GPATCH8: variants seen among roughly 807,000 people sequenced by gnomAD.
GPATCH8 encodes the protein G-patch domain containing 8, also known as G patch domain-containing protein 8.
A neutral mutation model predicts 118.3 loss-of-function variants in GPATCH8; 18 were observed. The observed-to-expected ratio is 0.15, with a 90% CI of 0.11 to 0.23. GPATCH8 has a LOEUF of 0.23. Among genes scored for constraint, GPATCH8 ranks in the 10% least tolerant of loss-of-function variants. The pLI, the probability that GPATCH8 is intolerant of heterozygous loss-of-function variation, is 1.00. For missense variants in GPATCH8, 1,631 were observed against 1,873.8 expected (o/e 0.87, Z 2.39); for synonymous variants, 659 against 684.7 (o/e 0.96, Z 0.59).
At chr17:44,456,229 G>T (rs1598542043) in intron 3 of GPATCH8, among the ~76,000 whole-genome samples, 1 of 152,226 alleles carries the variant, frequency 6.6e-6, no homozygotes, top group South Asian at 2.1e-4. Context: ...CGATTCTCTC[G>T]CCTCAGCCTC....
chr17:44,475,642 C>A (rs1335559685), intron 1 of GPATCH8, among the ~76,000 whole-genome samples: 1 of 151,670 alleles, frequency 6.6e-6, no homozygotes, highest in African/African-American at 2.4e-5. Context: ...TGCAGTGAGC[C>A]GAGATCGCAC....
intron 6 of GPATCH8, among the ~76,000 whole-genome samples, chr17:44,411,920 G>C (rs142400272): frequency 1.3e-5 from 2 of 152,196 alleles, no homozygotes; most frequent in African/African-American, 2.4e-5. Context: ...CAGCAAGACT[G>C]TGTCTATAAA....
intron 7 of GPATCH8, among the ~76,000 whole-genome samples, chr17:44,402,048 G>A (rs1195925152): frequency 1.3e-5 from 2 of 149,926 alleles, no homozygotes; most frequent in Admixed American, 1.3e-4. Context: ...CAGGCCGGGC[G>A]CAGTGGCTCA....
Position 44,398,047 on chromosome 17 carries a change from G to T in GPATCH8, c.4030C>A (p.Pro1344Thr), listed in dbSNP as rs1431246793. ...QLLAKQVKAF[P>T]ASAALAPATP... ...GCTGGGGCCAGGGCAGCTGAGGCTG[G>T]AAAGGCCTTTACTTGCTTGGCCAGA... Residue 1344 changes from proline (P) to threonine (T), a missense_variant, in exon 8 of 8, where the codon CCA (proline) becomes ACA (threonine). Coordinates refer to ENST00000591680, the MANE Select transcript of GPATCH8 (RefSeq NM_001002909.4). 6.2e-7 allele frequency: 1 copy of T among 1,613,962 alleles called. No individual in the cohort carries two copies. The highest frequency in any genetic ancestry group is 8.5e-7 in the Non-Finnish European group (1 of 1,179,862).
chr17:44,436,029 CAAAAAAAAAAAA>C (rs1157048818), intron 4 of GPATCH8, among the ~76,000 whole-genome samples: 3 of 41,828 alleles, frequency 7.2e-5, no homozygotes, highest in African/African-American at 1.8e-4. Context: ...AACTCCATCT[CAAAAAAAAAAAA>C]AAAAAAAAAA....
intron 3 of GPATCH8, among the ~76,000 whole-genome samples, chr17:44,460,352 ACT>A (rs2051497566): frequency 6.6e-6 from 1 of 152,190 alleles, no homozygotes; most frequent in Admixed American, 6.5e-5. Context: ...ATATATAATA[ACT>A]TTTTTAAAAT....
chr17:44,398,569 C>T lies in GPATCH8; in HGVS notation c.3508G>A (p.Glu1170Lys). The change falls in exon 8 of 8, where the codon GAA (glutamate) becomes AAA (lysine). Residue 1170 changes from glutamate to lysine, a missense_variant. By Grantham distance (56) the Glu-to-Lys change is moderately conservative (BLOSUM62 1). Coordinates refer to ENST00000591680, the MANE Select transcript of GPATCH8 (RefSeq NM_001002909.4). ...KCEESGLERG[E>K]EQEQSETEEG... ...TCTGTCTCTGACTGTTCTTGCTCTT[C>T]CCCCCTTTCCAAGCCAGACTCTTCA... The T allele has an allele frequency of 4.5e-6, 7 of 1,568,468 alleles. No individual in the cohort carries two copies. Among genetic ancestry groups the T allele is most frequent in the Non-Finnish European group, 6.0e-6 (7 of 1,161,958 alleles).
At chr17:44,435,548 G>A (rs1007104448) in intron 4 of GPATCH8, among the ~76,000 whole-genome samples, 1 of 149,000 alleles carries the variant, frequency 6.7e-6, no homozygotes, top group Admixed American at 6.7e-5. Flanking sequence ...TGAGTAGCTG[G>A]GATTACAGGT....
rs576849762 is a variant in GPATCH8, at chr17:44,421,017, A to AT, written c.492+3331dup. 2.9e-3 allele frequency among the ~76,000 whole-genome samples: 438 copies of AT among 151,822 alleles called. 1 individual carries two copies. The highest frequency in any genetic ancestry group is 5.5e-3 in the Non-Finnish European group (371 of 67,918). ...CTAGCCAGGCCACCACGCCTGGCTA[A>AT]TTTTTTTTATTTTTAGTAGAGACGG... On this transcript the variant is annotated intron_variant, in intron 6 of 7. Coordinates refer to ENST00000591680, the MANE Select transcript of GPATCH8 (RefSeq NM_001002909.4).
rs1305912251 is a variant in GPATCH8, at chr17:44,396,264, T to C, written c.*1304A>G. 1 of 454,512 alleles carries C rather than the reference T, an allele frequency of 2.2e-6. No individual in the cohort carries two copies. The highest frequency in any genetic ancestry group is 4.4e-6 in the Non-Finnish European group (1 of 226,792). 28.2% of individuals were successfully genotyped at this position (454,512 alleles called of 1,614,324 possible). On this transcript the variant is annotated 3_prime_UTR_variant, in exon 8 of 8. Coordinates refer to ENST00000591680, the MANE Select transcript of GPATCH8 (RefSeq NM_001002909.4). ...CCAGACAATCACCAAATCTCACTGC[T>C]TCCAGACAATAAAGCTGTTGAATCC...
At position 44,398,851 on chromosome 17, in the gene GPATCH8, A is replaced by C. The variant is rs1216174601; in HGVS notation, c.3226T>G (p.Ser1076Ala). Residue 1076 changes from serine to alanine, a missense_variant, in exon 8 of 8, where the codon TCA becomes GCA. Ser to Ala is a moderately conservative substitution (Grantham distance 99, BLOSUM62 1). Coordinates refer to ENST00000591680, the MANE Select transcript of GPATCH8 (RefSeq NM_001002909.4). ...QNSNIGTGRG[S>A]EGDCSPEDKN... ...TCTTCAGGACTGCAGTCACCTTCTG[A>C]CCCTCTTCCTGTGCCAATGTTGCTG... is the stretch of plus-strand genomic sequence containing the variant. 6.2e-7 allele frequency: 1 copy of C among 1,613,628 alleles called. No homozygotes were observed. Among genetic ancestry groups the C allele is most frequent in the South Asian group, 1.1e-5 (1 of 91,066 alleles).
intron 3 of GPATCH8, among the ~76,000 whole-genome samples, chr17:44,445,113 C>G (rs2050830371): frequency 6.6e-6 from 1 of 152,068 alleles, no homozygotes; most frequent in Non-Finnish European, 1.5e-5. Context: ...CATTACTGGT[C>G]ATTAGAGCCT....
intron 3 of GPATCH8, chr17:44,445,761 C>T (rs1321002260): frequency 2.0e-5 from 3 of 152,182 alleles, no homozygotes; most frequent in Admixed American, 6.6e-5. Context: ...CCACCTCATA[C>T]TCCCAAAGTG....
Position 44,398,464 on chromosome 17 carries a change from G to A in GPATCH8, c.3613C>T (p.Pro1205Ser). 1 of 1,611,400 alleles carries A rather than the reference G, an allele frequency of 6.2e-7. No individual in the cohort carries two copies. The highest frequency in any genetic ancestry group is 8.5e-7 in the Non-Finnish European group (1 of 1,178,502). Residue 1205 changes from proline to serine, a missense_variant, in exon 8 of 8, where the codon CCA (proline) becomes TCA (serine). Around this residue, in one of 8 missense-constraint regions of GPATCH8, gnomAD observed 922 missense variants for 879.7 expected, o/e 1.05. Transcript: ENST00000591680. ...CCAGACTTTGACTCTTCTGGGGGTG[G>A]GTCTAATAAGGGGCCAGTTGTTTCC... ...SEETTGPLLD[P>S]PPEESKSGEA...
chr17:44,400,133 C>T lies in GPATCH8; in HGVS notation c.1944G>A (p.Gly648=). ...ACSGLNKQEP[G]GSHGSETEDT... ...CTTCTGTCTCAGACCCATGGCTACCCCCAGGCTCCTGCTTGTTCAGGCCGC... is the reference window on the plus strand; with the variant it reads ...CTTCTGTCTCAGACCCATGGCTACCTCCAGGCTCCTGCTTGTTCAGGCCGC... The change falls in exon 8 of 8, where the codon GGG becomes GGA. Residue 648 remains glycine (G), a synonymous_variant. Transcript: ENST00000591680. 6.2e-7 allele frequency: 1 copy of T among 1,613,984 alleles called. No homozygotes were observed. Among genetic ancestry groups the T allele is most frequent in the Non-Finnish European group, 8.5e-7 (1 of 1,180,026 alleles).
chr17:44,398,624 G>A lies in GPATCH8; in HGVS notation c.3453C>T (p.Leu1151=), dbSNP rs867517428. Residue 1151 remains leucine (L), a synonymous_variant, in exon 8 of 8, where the codon CTC becomes CTT. Transcript: ENST00000591680. ...TCTTATTGGGCTTTCGGGTAGCTGG[G>A]AGCTTCCCTATCAGTGGAAGGACAG... The part of the protein sequence containing the change: ...NKPVLPLIGK[L]PATRKPNKKC... 6.5e-7 allele frequency: 1 copy of A among 1,545,260 alleles called. No homozygotes were observed. Among genetic ancestry groups the A allele is most frequent in the Non-Finnish European group, 8.7e-7 (1 of 1,148,954 alleles).
At chr17:44,446,827 C>G (rs1392902047) in intron 3 of GPATCH8, among the ~76,000 whole-genome samples, 1 of 150,984 alleles carries the variant, frequency 6.6e-6, no homozygotes, top group Non-Finnish European at 1.5e-5. Flanking sequence ...TGCAACTCCT[C>G]CATTTCATCT....
Position 44,397,832 on chromosome 17 carries a change from G to A in GPATCH8, c.4245C>T (p.Pro1415=), listed in dbSNP as rs1356322486. 2.5e-6 allele frequency: 4 copies of A among 1,594,162 alleles called. No individual in the cohort carries two copies. The highest frequency in any genetic ancestry group is 3.4e-6 in the Non-Finnish European group (4 of 1,166,918). Reference sequence around the variant, plus strand: ...AGTGAGTGAGGTGGGACAAAGAAATGGGGGTCAGATGGGGCTGGGGAATAT... The same window carrying A: ...AGTGAGTGAGGTGGGACAAAGAAATAGGGGTCAGATGGGGCTGGGGAATAT... ...VHHIPQPHLT[P]ISLSHLTHSI... The change falls in exon 8 of 8, where the codon CCC becomes CCT. Residue 1415 remains proline, a synonymous_variant. Coordinates refer to ENST00000591680, the MANE Select transcript of GPATCH8 (RefSeq NM_001002909.4).
chr17:44,444,506 C>T (rs1482427436), intron 3 of GPATCH8, among the ~76,000 whole-genome samples: 1 of 151,702 alleles, frequency 6.6e-6, no homozygotes, highest in Non-Finnish European at 1.5e-5. Context: ...GGCATGGTGG[C>T]TCACGGCTGT....
Sources: allele counts gnomAD v4.1 joint callset (sites outside exome capture counted in the v4.1 genomes callset), GRCh38; gene constraint gnomAD v4.1.1; regional missense constraint gnomAD v4.1.1; transcripts MANE v1.5; gene names NCBI Gene and HGNC (gene_info 2026-07-23, HGNC 2026-07-21).